Variants in KCNK9 observed in about 807,000 individuals in gnomAD.
The protein encoded by KCNK9 is potassium two pore domain channel subfamily K member 9.
A neutral mutation model predicts 10.8 loss-of-function variants in KCNK9; 1 was observed. That is an observed-to-expected ratio of 0.09 (90% CI 0.03 to 0.44). KCNK9 has a LOEUF of 0.44. KCNK9 is among the 20% of genes least tolerant of loss of function. KCNK9 has a pLI of 0.97. For missense variants in KCNK9, 303 were observed against 515.0 expected (o/e 0.59, Z 3.98); for synonymous variants, 231 against 222.7 (o/e 1.04, Z -0.33).
At position 139,691,131 on chromosome 8, in the gene KCNK9, G is replaced by A. The variant is rs115817475; in HGVS notation, c.283+11579C>T. 8.1e-3 allele frequency among the ~76,000 whole-genome samples: 1,226 copies of A among 152,116 alleles called. 17 individuals carry two copies. Among genetic ancestry groups the A allele is most frequent in the African/African-American group, 0.028 (1,167 of 41,492 alleles). On this transcript the variant is annotated intron_variant, in intron 1 of 1. Coordinates refer to ENST00000520439, the MANE Select transcript of KCNK9 (RefSeq NM_001282534.2). Reference sequence around the variant, plus strand: ...AATGCTCCAGTGACCAGAGCCAGTCGGCTGGGTCAGACTGACAAGGCAAAC... The same window carrying A: ...AATGCTCCAGTGACCAGAGCCAGTCAGCTGGGTCAGACTGACAAGGCAAAC...
At chr8:139,686,461 A>T (rs1816790876) in intron 1 of KCNK9, among the ~76,000 whole-genome samples, 1 of 152,270 alleles carries the variant, frequency 6.6e-6, no homozygotes, top group Admixed American at 6.5e-5. Context: ...AAGGATATGA[A>T]CAGACACTTC....
intron 1 of KCNK9, among the ~76,000 whole-genome samples, chr8:139,668,422 CTTTT>C (rs35809199): frequency 1.4e-5 from 2 of 140,678 alleles, no homozygotes; most frequent in Admixed American, 7.0e-5. Flanking sequence ...GTAAACAATA[CTTTT>C]TTTTTTTTTT....
At chr8:139,620,510 T>C (rs1370833339) in intron 1 of KCNK9, among the ~76,000 whole-genome samples, 1 of 152,120 alleles carries the variant, frequency 6.6e-6, no homozygotes, top group Admixed American at 6.6e-5. Flanking sequence ...CAGGATCCTC[T>C]GCCGCTCCTT....
At position 139,665,264 on chromosome 8, in the gene KCNK9, C is replaced by T. The variant is rs1470849825; in HGVS notation, c.283+37446G>A. ...TTTCCAGGTTTTAGATGCTTCTGCA[C>T]TGCATGGCTCATAGATGGCCCCTTC... On this transcript the variant is annotated intron_variant, in intron 1 of 1. Coordinates refer to ENST00000520439, the MANE Select transcript of KCNK9 (RefSeq NM_001282534.2). 3.3e-5 allele frequency among the ~76,000 whole-genome samples: 5 copies of T among 152,196 alleles called. No homozygotes were observed. In the East Asian group the frequency reaches 7.7e-4, roughly 23 times the overall value.
intron 1 of KCNK9, among the ~76,000 whole-genome samples, chr8:139,683,784 T>C (rs2129771627): frequency 6.6e-6 from 1 of 152,314 alleles, no homozygotes; most frequent in South Asian, 2.1e-4. Flanking sequence ...GTCCCCTAAG[T>C]ATTAAGGCAG....
Position 139,702,634 on chromosome 8 carries a change from C to T in KCNK9, c.283+76G>A, listed in dbSNP as rs1281886609. ...TTAACCCTCGACGCCCTGCACCCAG[C>T]CCGGCGCGGCGCGCTCAGCCGCCTC... is the stretch of plus-strand genomic sequence containing the variant. On this transcript the variant is annotated intron_variant, in intron 1 of 1. Transcript: ENST00000520439. This position sits in a 1 kb window ranked among gnomAD's most constrained non-coding sequence, Gnocchi z 7.5. 39 of 1,473,090 alleles carry T rather than the reference C, an allele frequency of 2.6e-5. No homozygotes were observed. The highest frequency in any genetic ancestry group is 3.2e-5 in the Non-Finnish European group (35 of 1,098,950). 91.3% of individuals were successfully genotyped at this position (1,473,090 alleles called of 1,614,324 possible).
chr8:139,700,798 C>T (rs1199221015), intron 1 of KCNK9, among the ~76,000 whole-genome samples: 1 of 152,192 alleles, frequency 6.6e-6, no homozygotes, highest in Non-Finnish European at 1.5e-5. Context: ...ACCATGGAAA[C>T]ACACCTCAGT....
At chr8:139,649,935 G>C (rs1815810194) in intron 1 of KCNK9, among the ~76,000 whole-genome samples, 1 of 152,230 alleles carries the variant, frequency 6.6e-6, no homozygotes, top group Non-Finnish European at 1.5e-5. Context: ...AAGGAAAGAG[G>C]TGGGTGTGGG....
intron 1 of KCNK9, among the ~76,000 whole-genome samples, chr8:139,668,797 C>G (rs888211028): frequency 1.1e-4 from 16 of 152,194 alleles, no homozygotes; most frequent in African/African-American, 3.9e-4. Flanking sequence ...TTCACTTTCT[C>G]GTGGTGATCT....
At chr8:139,657,920 C>G (rs923671247) in intron 1 of KCNK9, among the ~76,000 whole-genome samples, 22 of 152,212 alleles carry the variant, frequency 1.4e-4, no homozygotes, top group Non-Finnish European at 3.2e-4. Context: ...TCCCAGGATT[C>G]TCCCTGTCCA....
chr8:139,695,768 C>G (rs1232088626), intron 1 of KCNK9, among the ~76,000 whole-genome samples: 2 of 152,132 alleles, frequency 1.3e-5, no homozygotes. Context: ...CCTACCTGGG[C>G]TGGTTGCCTC....
intron 1 of KCNK9, among the ~76,000 whole-genome samples, chr8:139,701,499 A>C (rs1817218695): frequency 6.6e-6 from 1 of 151,932 alleles, no homozygotes; most frequent in African/African-American, 2.4e-5. Context: ...AAATTAGAGG[A>C]GGAGGTCCAG....
chr8:139,672,684 C>A (rs1480219147), intron 1 of KCNK9, among the ~76,000 whole-genome samples: 2 of 152,228 alleles, frequency 1.3e-5, no homozygotes, highest in African/African-American at 4.8e-5. Context: ...CGTGGGGGAG[C>A]CTCTCTGTCT....
chr8:139,629,365 A>ATTTT (rs1815090243), intron 1 of KCNK9, among the ~76,000 whole-genome samples: 1 of 152,230 alleles, frequency 6.6e-6, no homozygotes, highest in South Asian at 2.1e-4. Flanking sequence ...TTCTTAAAGC[A>ATTTT]TTTTTAGCAA....
chr8:139,624,239 G>A (rs543232654), intron 1 of KCNK9, among the ~76,000 whole-genome samples: 32 of 152,312 alleles, frequency 2.1e-4, no homozygotes, highest in African/African-American at 5.8e-4. Flanking sequence ...ACCTGGTACC[G>A]GTCCAGATGG....
At chr8:139,600,900 C>T (rs1471605195), downstream of KCNK9, 1 of 152,230 alleles carries the variant, frequency 6.6e-6, no homozygotes, top group Non-Finnish European at 1.5e-5. Flanking sequence ...TCAGTAGGTG[C>T]TTTGACTCAC....
intron 1 of KCNK9, among the ~76,000 whole-genome samples, chr8:139,673,623 G>A (rs373201521): frequency 3.9e-5 from 6 of 152,334 alleles, no homozygotes; most frequent in South Asian, 4.1e-4. Context: ...CTGCACAGCC[G>A]GCAAACAGAC....
At chr8:139,614,102 G>A (rs559342386), downstream of KCNK9, among the ~76,000 whole-genome samples, 1 of 152,310 alleles carries the variant, frequency 6.6e-6, no homozygotes, top group Non-Finnish European at 1.5e-5. Context: ...GACAAGGGAG[G>A]CCTCTGAGAA....
At chr8:139,701,019 T>TG (rs1166134745) in intron 1 of KCNK9, among the ~76,000 whole-genome samples, 1 of 152,216 alleles carries the variant, frequency 6.6e-6, no homozygotes, top group African/African-American at 2.4e-5. Context: ...TTAAGGGCCT[T>TG]GGGGCTTTCT....
Sources: gnomAD v4.1 joint callset for allele counts (sites outside exome capture counted in the v4.1 genomes callset) on GRCh38, gnomAD v4.1.1 for gene constraint, Gnocchi (gnomAD v3.1) non-coding constraint, MANE v1.5 for transcripts, NCBI Gene and HGNC (gene_info 2026-07-23, HGNC 2026-07-21) for gene names.